BRMS1L: variants seen among roughly 807,000 people sequenced by gnomAD.
The protein encoded by BRMS1L is breast cancer metastasis-suppressor 1-like protein.
Under a neutral mutation model 50.3 loss-of-function variants are expected in BRMS1L, and 23 were observed. The ratio of observed to expected loss-of-function variants is 0.46; its 90% confidence interval spans 0.33 to 0.65. The LOEUF (loss-of-function observed/expected upper bound fraction) is 0.65. Among genes scored for constraint, BRMS1L ranks in the 30% least tolerant of loss-of-function variants. BRMS1L has a pLI of 0.02. For synonymous variants in BRMS1L, 114 were observed against 126.9 expected, an observed-to-expected ratio of 0.90 and a Z score of 0.69; for missense variants, 286 against 386.1, an observed-to-expected ratio of 0.74 and a Z score of 2.17.
At chr14:35,848,587 C>A (rs190343197) in intron 4 of BRMS1L, among the ~76,000 whole-genome samples, 20 of 152,192 alleles carry the variant, frequency 1.3e-4, no homozygotes, top group African/African-American at 4.3e-4. Flanking sequence ...AAATTTTGTA[C>A]CCTTTGGTGA....
intron 4 of BRMS1L, among the ~76,000 whole-genome samples, chr14:35,846,394 T>TAA (rs556829031): frequency 1.6e-5 from 2 of 121,696 alleles, no homozygotes; most frequent in Non-Finnish European, 1.8e-5. Flanking sequence ...AGATCCTGTC[T>TAA]AAAAAAAAAA....
intron 1 of BRMS1L, 142 bp downstream of exon 1, chr14:35,826,800 C>A: frequency 1.6e-6 from 2 of 1,259,794 alleles, no homozygotes; most frequent in Non-Finnish European, 2.1e-6. Context: ...GGGCCCTGGG[C>A]TGCACCCTGA....
At position 35,828,381 on chromosome 14, in the gene BRMS1L, C is replaced by T. The variant is rs1369699864; in HGVS notation, c.142+1723C>T. 4.6e-5 allele frequency among the ~76,000 whole-genome samples: 7 copies of T among 151,490 alleles called. No homozygotes were observed. The East Asian group carries it at 1.4e-3, about 29-fold the overall frequency. On this transcript the variant is annotated intron_variant, in intron 1 of 9. Transcript: ENST00000216807. ...TAGAGACAGGGTTTCTCCATGTTGTCCAGGCTGGTCTCGAACTCCTGACCT... is the reference window on the plus strand; with the variant it reads ...TAGAGACAGGGTTTCTCCATGTTGTTCAGGCTGGTCTCGAACTCCTGACCT...
intron 4 of BRMS1L, among the ~76,000 whole-genome samples, chr14:35,853,477 G>A (rs754183814): frequency 8.6e-5 from 13 of 151,978 alleles, no homozygotes; most frequent in Non-Finnish European, 1.3e-4. Context: ...GCAGTGGTGT[G>A]ATCGTGGCTC....
chr14:35,847,392 C>T (rs1399293022), intron 4 of BRMS1L, among the ~76,000 whole-genome samples: 2 of 152,110 alleles, frequency 1.3e-5, no homozygotes, highest in Non-Finnish European at 2.9e-5. Flanking sequence ...GCCACAAACT[C>T]GAGCTCAAAT....
intron 2 of BRMS1L, among the ~76,000 whole-genome samples, chr14:35,832,622 A>G (rs2142037792): frequency 6.6e-6 from 1 of 152,164 alleles, no homozygotes; most frequent in East Asian, 1.9e-4. Context: ...ATTCAAAATG[A>G]TTTCTTTGTT....
chr14:35,845,833 G>A (rs1427971634), intron 4 of BRMS1L, among the ~76,000 whole-genome samples: 1 of 152,096 alleles, frequency 6.6e-6, no homozygotes, highest in African/African-American at 2.4e-5. Flanking sequence ...ATAGTGCACT[G>A]CAGCCTTGAA....
intron 4 of BRMS1L, among the ~76,000 whole-genome samples, chr14:35,837,019 A>G (rs1476176893): frequency 6.6e-6 from 1 of 151,566 alleles, no homozygotes; most frequent in African/African-American, 2.4e-5. Context: ...ATGGGAGTTC[A>G]CTCATGATTT....
intron 1 of BRMS1L, chr14:35,829,697 A>G: frequency 4.4e-6 from 2 of 458,026 alleles, no homozygotes; most frequent in Non-Finnish European, 3.5e-6. Flanking sequence ...ATCAAAAGCC[A>G]GAAGTATTTT....
At chr14:35,849,929 C>T (rs763018722) in intron 4 of BRMS1L, among the ~76,000 whole-genome samples, 3 of 151,662 alleles carry the variant, frequency 2.0e-5, no homozygotes, top group African/African-American at 7.3e-5. Flanking sequence ...AAGCGATTCT[C>T]GTGCCCCAGC....
chr14:35,845,199 C>T (rs1369703071), intron 4 of BRMS1L, among the ~76,000 whole-genome samples: 1 of 152,122 alleles, frequency 6.6e-6, no homozygotes, highest in Non-Finnish European at 1.5e-5. Context: ...CTTTTATTCT[C>T]ATCTTCCTCT....
At chr14:35,864,034 A>G (rs1012879605) in intron 6 of BRMS1L, 81 bp downstream of exon 6, 45 of 1,034,568 alleles carry the variant, frequency 4.3e-5, no homozygotes, top group Non-Finnish European at 4.4e-6. Context: ...TTTTATTTGT[A>G]AACACTGACT....
chr14:35,868,171 G>C, intron 9 of BRMS1L, 139 bp downstream of exon 9: 2 of 740,902 alleles, frequency 2.7e-6, no homozygotes, highest in Non-Finnish European at 4.1e-6. Context: ...CATATGGCTT[G>C]ATTACATGTG....
chr14:35,869,164 T>G (rs1054554497), intron 9 of BRMS1L, among the ~76,000 whole-genome samples: 2 of 152,212 alleles, frequency 1.3e-5, no homozygotes, highest in Non-Finnish European at 2.9e-5. Context: ...AGAAGCTCAT[T>G]GAACTACTAG....
At chr14:35,868,434 A>T (rs570733921) in intron 9 of BRMS1L, among the ~76,000 whole-genome samples, 2 of 152,308 alleles carry the variant, frequency 1.3e-5, no homozygotes, top group South Asian at 4.1e-4. Context: ...ATTTGTATCA[A>T]TTAGAGTAGG....
At chr14:35,828,214 C>T (rs148063299) in intron 1 of BRMS1L, among the ~76,000 whole-genome samples, 6,786 of 151,988 alleles carry the variant, frequency 0.045, 456 homozygotes, top group African/African-American at 0.14. Flanking sequence ...GCTCTGTTGC[C>T]CAGGCTGGAG....
At chr14:35,832,551 C>A (rs2077936492) in intron 2 of BRMS1L, among the ~76,000 whole-genome samples, 1 of 151,716 alleles carries the variant, frequency 6.6e-6, no homozygotes, top group African/African-American at 2.4e-5. Context: ...AATACTGACT[C>A]CTTTTCAGGA....
At chr14:35,870,319 C>T in intron 9 of BRMS1L, 41 bp from the exon 10 acceptor site, 1 of 1,217,604 alleles carries the variant, frequency 8.2e-7, no homozygotes, top group Non-Finnish European at 1.2e-6. Flanking sequence ...ATTGAGGAGA[C>T]ATTGTAATTC....
intron 4 of BRMS1L, among the ~76,000 whole-genome samples, chr14:35,836,782 C>A (rs1411406344): frequency 1.3e-5 from 2 of 151,948 alleles, no homozygotes; most frequent in East Asian, 3.9e-4. Context: ...GGTGTGGTGG[C>A]TCATGCCTGT....
Sources: allele counts gnomAD v4.1 joint callset (sites outside exome capture counted in the v4.1 genomes callset), GRCh38; gene constraint gnomAD v4.1.1; transcripts MANE v1.5; gene names NCBI Gene and HGNC (gene_info 2026-07-23, HGNC 2026-07-21).